The following LUC7L variants were observed in gnomAD, a reference collection of about 807,000 sequenced individuals.
The protein encoded by LUC7L is LUC7 like.
Under a neutral mutation model 51.1 loss-of-function variants are expected in LUC7L, and 29 were observed. That is an observed-to-expected ratio of 0.57 (90% confidence interval 0.42 to 0.77). The LOEUF (loss-of-function observed/expected upper bound fraction) is 0.77, where lower values mean the gene tolerates loss of function less well. Ranked by LOEUF, LUC7L falls within the 30% of genes least tolerant of loss-of-function variation. The pLI is 0.00. For missense variants in LUC7L, 403 were observed against 511.9 expected, an observed-to-expected ratio of 0.79 and a Z score of 2.05; for synonymous variants, 181 against 180.7, an observed-to-expected ratio of 1.00 and a Z score of -0.01.
rs137968943 is a variant in LUC7L, at chr16:192,938, A to C, written c.765T>G (p.Arg255=). 9 of 1,612,926 alleles carry C rather than the reference A, an allele frequency of 5.6e-6. No homozygotes were observed. The highest frequency in any genetic ancestry group is 3.3e-5 in the South Asian group (3 of 91,058). ...RRREEREREE[R]LSRRSGSRTR... ...GCCCTCAGGCTCACCTCCTGCTCAG[A>C]CGCTCCTCCCGTTCCCTCTCCTCTC... The change falls in exon 7 of 10, where the codon CGT becomes CGG. Residue 255 remains arginine, a synonymous_variant. Transcript: ENST00000293872.
intron 7 of LUC7L, among the ~76,000 whole-genome samples, chr16:191,963 C>A (rs889413592): frequency 2.0e-5 from 3 of 152,074 alleles, no homozygotes; most frequent in African/African-American, 7.2e-5. Context: ...ATACTTCTGG[C>A]TCCTACCTCT....
At chr16:220,499 T>A (rs1024924075) in intron 3 of LUC7L, 150 bp downstream of exon 3, 1 of 653,872 alleles carries the variant, frequency 1.5e-6, no homozygotes, top group Non-Finnish European at 2.7e-6. Context: ...TAAACAGTAC[T>A]GGCTGTATTC....
At chr16:191,098 C>A (rs2048998789) in intron 7 of LUC7L, among the ~76,000 whole-genome samples, 1 of 152,116 alleles carries the variant, frequency 6.6e-6, no homozygotes, top group African/African-American at 2.4e-5. Flanking sequence ...ACAGACAGGC[C>A]CACATCCGAG....
At chr16:225,482 G>A (rs893564512) in intron 2 of LUC7L, among the ~76,000 whole-genome samples, 6 of 116,080 alleles carry the variant, frequency 5.2e-5, no homozygotes, top group Non-Finnish European at 9.1e-5. Context: ...GCGAAACTCC[G>A]TCTCTTTTTT....
chr16:198,390 T>C (rs2049222234), intron 6 of LUC7L, among the ~76,000 whole-genome samples: 1 of 147,868 alleles, frequency 6.8e-6, no homozygotes, highest in African/African-American at 2.5e-5. Context: ...AAAAACCCCA[T>C]CTTCACCCCG....
chr16:218,026 C>CA (rs11420593), intron 3 of LUC7L, among the ~76,000 whole-genome samples: 53,856 of 130,190 alleles, frequency 0.41, 10,868 homozygotes, highest in Non-Finnish European at 0.46. Context: ...ACTATATCTC[C>CA]AAAAAAAAAA....
In LUC7L at chr16:196,339, T is replaced by G. The variant is rs1351545207; in HGVS notation, c.687+2723A>C. ...AGGAGTATCTCTTGAAGCTGGGAGG[T>G]GGAGGTTACAGTGAGCTGAGTTCGT... On this transcript the variant is annotated intron_variant, in intron 6 of 9. Coordinates refer to ENST00000293872, the MANE Select transcript of LUC7L (RefSeq NM_201412.3). Among the ~76,000 whole-genome samples the G allele has an allele frequency of 2.0e-5, 3 of 151,316 alleles. No homozygotes were observed. The East Asian group carries it at 5.8e-4, about 29-fold the overall frequency.
At chr16:198,609 T>C (rs1422149724) in intron 6 of LUC7L, among the ~76,000 whole-genome samples, 1 of 152,200 alleles carries the variant, frequency 6.6e-6, no homozygotes, top group Non-Finnish European at 1.5e-5. Flanking sequence ...TGAGCTATCA[T>C]GTCTCTTGTG....
At chr16:223,166 T>C (rs975581442) in intron 2 of LUC7L, among the ~76,000 whole-genome samples, 2 of 151,136 alleles carry the variant, frequency 1.3e-5, no homozygotes, top group African/African-American at 4.9e-5. Context: ...AAGACCATCC[T>C]GGCCAACACA....
intron 5 of LUC7L, 61 bp from the exon 6 acceptor site, chr16:199,299 T>A: frequency 9.4e-7 from 1 of 1,068,656 alleles, no homozygotes; most frequent in Non-Finnish European, 1.4e-6. Flanking sequence ...ACAAATTCAA[T>A]CTCCAAAATG....
chr16:207,602 C>T (rs554432525), intron 4 of LUC7L, among the ~76,000 whole-genome samples: 26 of 152,300 alleles, frequency 1.7e-4, no homozygotes, highest in African/African-American at 6.3e-4. Context: ...GAGGTAGCAG[C>T]TCCTGAGGGA....
At chr16:208,591 A>G in intron 3 of LUC7L, 1 of 1,021,976 alleles carries the variant, frequency 9.8e-7, no homozygotes, top group Non-Finnish European at 1.2e-6. Context: ...GATGCATATG[A>G]TGTACTCACT....
Position 189,264 on chromosome 16 carries a change from C to A in LUC7L, c.1050G>T (p.Arg350Ser). 1 of 1,613,990 alleles carries A rather than the reference C, an allele frequency of 6.2e-7. No individual in the cohort carries two copies. The highest frequency in any genetic ancestry group is 8.5e-7 in the Non-Finnish European group (1 of 1,180,008). The change falls in exon 10 of 10, where the codon AGG (arginine) becomes AGT (serine). Residue 350 changes from arginine (R) to serine (S), a missense_variant. Physicochemically the swap from Arg to Ser is moderately radical, Grantham distance 110. Around this residue, in one of 3 missense-constraint regions of LUC7L, gnomAD observed 206 missense variants for 218.3 expected, o/e 0.94. Coordinates refer to ENST00000293872, the MANE Select transcript of LUC7L (RefSeq NM_201412.3). ...CCATCTTCCCGTTGGAGCTCTCAAG[C>A]CTCCAGTCCGGGGGCCCTCGCTCGC... ...GRSERGPPDWRLESSNGKMAS... is the reference protein window; with the variant it reads ...GRSERGPPDWSLESSNGKMAS...
rs146490197 is a variant in LUC7L, at chr16:189,998, C to A, written c.944G>T (p.Arg315Leu). The A allele has an allele frequency of 1.2e-6, 2 of 1,613,682 alleles. No homozygotes were observed. The highest frequency in any genetic ancestry group is 1.7e-6 in the Non-Finnish European group (2 of 1,179,694). The change falls in exon 9 of 10, where the codon CGG (arginine) becomes CTG (leucine). Residue 315 changes from arginine to leucine, a missense_variant. This residue lies in a region of LUC7L where 206 missense variants were observed against 218.3 expected (regional missense o/e 0.94). Transcript: ENST00000293872. ...TTTCGCACTTCGGTCCCGGGAAGCC[C>A]GACGATGTCCCCGGCTGTGGCTCCG... The part of the protein sequence containing the change: ...RSRSHSRGHR[R>L]ASRDRSAKYK...
Position 189,209 on chromosome 16 carries a change from C to A in LUC7L, c.1105G>T (p.Gly369Cys), listed in dbSNP as rs774226588. The change falls in exon 10 of 10, where the codon GGC becomes TGC. Residue 369 changes from glycine (G) to cysteine (C), a missense_variant. By Grantham distance (159) the Gly-to-Cys change is radical. Coordinates refer to ENST00000293872, the MANE Select transcript of LUC7L (RefSeq NM_201412.3). ...ASRRSEEKEA[G>C]EI ...CCCGGGAGACGGGTTCAGATCTCGC[C>A]GGCCTCCTTCTCTTCTGACCTCCGT... The A allele has an allele frequency of 1.3e-5, 21 of 1,613,192 alleles. No homozygotes were observed. The highest frequency in any genetic ancestry group is 1.6e-5 in the Non-Finnish European group (19 of 1,179,582).
intron 8 of LUC7L, 33 bp downstream of exon 8, chr16:190,508 T>A (rs201311591): frequency 4.1e-4 from 660 of 1,604,922 alleles, no homozygotes; most frequent in Middle Eastern, 1.7e-3. Context: ...GAAAAAAAAA[T>A]TTGAGAACAT....
chr16:221,424 G>A (rs2049965953), intron 2 of LUC7L, among the ~76,000 whole-genome samples: 1 of 152,096 alleles, frequency 6.6e-6, no homozygotes, highest in African/African-American at 2.4e-5. Context: ...GGCCAGGGCT[G>A]GGCGTGGTGG....
chr16:223,197 A>T (rs1008935816), intron 2 of LUC7L, among the ~76,000 whole-genome samples: 2 of 151,474 alleles, frequency 1.3e-5, no homozygotes, highest in African/African-American at 2.4e-5. Flanking sequence ...TTCTCTACTA[A>T]AAATACAAAA....
chr16:228,500 A>C (rs1293486288), intron 1 of LUC7L: 8 of 1,233,816 alleles, frequency 6.5e-6, no homozygotes, highest in Non-Finnish European at 8.4e-6. Flanking sequence ...AAGAAAGCTA[A>C]AAAGCACTTA....
Sources: allele counts gnomAD v4.1 joint callset (sites outside exome capture counted in the v4.1 genomes callset), GRCh38; gene constraint gnomAD v4.1.1; regional missense constraint gnomAD v4.1.1; transcripts MANE v1.5; gene names NCBI Gene and HGNC (gene_info 2026-07-23, HGNC 2026-07-21).